The following CCDC141 variants were observed in gnomAD, a reference collection of about 807,000 sequenced individuals.
CCDC141 encodes coiled-coil domain-containing protein 141.
CCDC141 carries 168 observed loss-of-function variants against 181.0 expected under a neutral mutation model. That is an observed-to-expected ratio of 0.93 (90% confidence interval 0.82 to 1.05). The LOEUF (loss-of-function observed/expected upper bound fraction) is 1.05, where lower values mean the gene tolerates loss of function less well. Ranked by LOEUF, CCDC141 falls within the 50% of genes least tolerant of loss-of-function variation. The pLI is 0.00. For synonymous variants in CCDC141, 666 were observed against 642.3 expected (o/e 1.04, Z -0.56); for missense variants, 1,902 against 1,788.5 (o/e 1.06, Z -1.14).
At chr2:179,003,226 A>C (rs2042032597) in intron 2 of CCDC141, among the ~76,000 whole-genome samples, 1 of 152,234 alleles carries the variant, frequency 6.6e-6, no homozygotes, top group African/African-American at 2.4e-5. Context: ...CCAACAACAA[A>C]AAAAATCATG....
At chr2:178,918,947 GT>G in intron 6 of CCDC141, 40 bp from the exon 7 acceptor site, 1 of 1,498,632 alleles carries the variant, frequency 6.7e-7, no homozygotes. Context: ...CATCTCCTCT[GT>G]TATGGACCGA....
chr2:178,870,912 C>T (rs1686087988), intron 14 of CCDC141, among the ~76,000 whole-genome samples: 1 of 152,022 alleles, frequency 6.6e-6, no homozygotes, highest in Non-Finnish European at 1.5e-5. Context: ...GAACATGACT[C>T]ATGGTTTTAT....
chr2:178,948,218 T>C (rs1407024440), intron 5 of CCDC141, among the ~76,000 whole-genome samples: 2 of 151,138 alleles, frequency 1.3e-5, no homozygotes, highest in African/African-American at 4.9e-5. Context: ...AAAAAAAAAG[T>C]TAGTATTGAT....
chr2:178,944,091 C>T (rs1009830595), intron 6 of CCDC141, among the ~76,000 whole-genome samples: 8 of 152,116 alleles, frequency 5.3e-5, no homozygotes, highest in African/African-American at 1.4e-4. Flanking sequence ...AGAGCTTGGG[C>T]CTTTGTATTA....
At chr2:178,842,680 A>C (rs1402160496) in intron 22 of CCDC141, among the ~76,000 whole-genome samples, 1 of 152,250 alleles carries the variant, frequency 6.6e-6, no homozygotes, top group African/African-American at 2.4e-5. Context: ...CATAACAGAT[A>C]GCCTTACTTT....
At chr2:179,031,579 C>A (rs1273773352) in intron 2 of CCDC141, among the ~76,000 whole-genome samples, 1 of 151,770 alleles carries the variant, frequency 6.6e-6, no homozygotes, top group Non-Finnish European at 1.5e-5. Context: ...AAGCTTAGAT[C>A]ATCAATTTGA....
intron 2 of CCDC141, among the ~76,000 whole-genome samples, chr2:179,010,231 G>A (rs2042229343): frequency 6.6e-6 from 1 of 152,102 alleles, no homozygotes; most frequent in African/African-American, 2.4e-5. Flanking sequence ...CATATTTGGG[G>A]GAATAATCGA....
intron 2 of CCDC141, among the ~76,000 whole-genome samples, chr2:179,005,109 T>C (rs1418819238): frequency 6.6e-6 from 1 of 152,186 alleles, no homozygotes; most frequent in Non-Finnish European, 1.5e-5. Context: ...AGCTTACAAT[T>C]TAGGGAAGAC....
intron 19 of CCDC141, among the ~76,000 whole-genome samples, chr2:178,853,904 T>G (rs562592630): frequency 5.3e-5 from 8 of 152,346 alleles, no homozygotes; most frequent in Admixed American, 3.3e-4. Flanking sequence ...TTCTTAGGTT[T>G]GCCTAAAATA....
chr2:178,824,255 G>T, the CCDC141 span, among the ~76,000 whole-genome samples: 1 of 152,094 alleles, frequency 6.6e-6, no homozygotes, highest in African/African-American at 2.4e-5. Context: ...CTACGAGATG[G>T]TATCATTCCG....
chr2:178,835,583 C>A (rs565509572), intron 23 of CCDC141, among the ~76,000 whole-genome samples: 2 of 152,272 alleles, frequency 1.3e-5, no homozygotes, highest in African/African-American at 4.8e-5. Flanking sequence ...ATCCTGAAAG[C>A]TTGTCAGTTA....
intron 7 of CCDC141, among the ~76,000 whole-genome samples, chr2:178,910,041 T>C (rs567824967): frequency 1.3e-5 from 2 of 152,344 alleles, no homozygotes; most frequent in Non-Finnish European, 2.9e-5. Flanking sequence ...TTTTCGGTCT[T>C]GTTTTGGTAA....
chr2:178,984,035 G>A (rs1691581698), intron 2 of CCDC141, among the ~76,000 whole-genome samples: 1 of 151,848 alleles, frequency 6.6e-6, no homozygotes. Context: ...AAGTTGAAAC[G>A]AAGGAAAAAA....
At chr2:178,928,531 AT>A (rs1688990736) in intron 6 of CCDC141, among the ~76,000 whole-genome samples, 1 of 152,160 alleles carries the variant, frequency 6.6e-6, no homozygotes, top group Non-Finnish European at 1.5e-5. Context: ...TTTCCGGGAC[AT>A]TTTATTTAAG....
chr2:178,986,312 T>C (rs1375579998), intron 2 of CCDC141, among the ~76,000 whole-genome samples: 2 of 152,130 alleles, frequency 1.3e-5, no homozygotes, highest in Non-Finnish European at 2.9e-5. Context: ...TGATGGGACA[T>C]ATTTCAAAAT....
chr2:178,918,590 C>A, intron 7 of CCDC141, 123 bp downstream of exon 7: 1 of 668,680 alleles, frequency 1.5e-6, no homozygotes, highest in South Asian at 2.5e-5. Flanking sequence ...CTCTTTGCTG[C>A]TATCAGTTTT....
At chr2:178,972,284 G>A (rs1053929827) in intron 4 of CCDC141, among the ~76,000 whole-genome samples, 7 of 152,002 alleles carry the variant, frequency 4.6e-5, no homozygotes, top group African/African-American at 7.3e-5. Flanking sequence ...AAAGCACTTC[G>A]TTTGTTGCTC....
At chr2:179,024,183 A>G (rs1361299198) in intron 2 of CCDC141, among the ~76,000 whole-genome samples, 3 of 152,362 alleles carry the variant, frequency 2.0e-5, no homozygotes, top group South Asian at 4.1e-4. Context: ...CCGTTCCACC[A>G]TGTTCTCTTA....
chr2:179,013,923 T>A (rs2042345450), intron 2 of CCDC141, among the ~76,000 whole-genome samples: 1 of 115,330 alleles, frequency 8.7e-6, no homozygotes, highest in Non-Finnish European at 1.6e-5. Context: ...ATCACACCAC[T>A]GCACTCCAGC....
Sources: gnomAD v4.1 joint callset for allele counts (sites outside exome capture counted in the v4.1 genomes callset) on GRCh38, gnomAD v4.1.1 for gene constraint, MANE v1.5 for transcripts, NCBI Gene and HGNC (gene_info 2026-07-23, HGNC 2026-07-21) for gene names.